The following CFAP95 variants were observed in gnomAD, a reference collection of about 807,000 sequenced individuals.
CFAP95 encodes cilia and flagella associated protein 95.
At chr9:69,875,939 C>T in the CFAP95 span, among the ~76,000 whole-genome samples, 1 of 152,128 alleles carries the variant, frequency 6.6e-6, no homozygotes, top group Non-Finnish European at 1.5e-5. Flanking sequence ...TGTCATTATA[C>T]ACATCTCCTT....
At chr9:69,826,237 C>G in the CFAP95 span, among the ~76,000 whole-genome samples, 1 of 152,126 alleles carries the variant, frequency 6.6e-6, no homozygotes, top group African/African-American at 2.4e-5. Flanking sequence ...TAAGGTACTT[C>G]ACATTCACAG....
At chr9:69,863,113 G>T in the CFAP95 span, among the ~76,000 whole-genome samples, 2 of 152,146 alleles carry the variant, frequency 1.3e-5, no homozygotes, top group East Asian at 3.8e-4. Context: ...TTTGAGTCCC[G>T]ATTGAGCTTG....
chr9:69,868,750 A>G, the CFAP95 span, among the ~76,000 whole-genome samples: 3 of 151,810 alleles, frequency 2.0e-5, no homozygotes, highest in Non-Finnish European at 4.4e-5. Flanking sequence ...TTGTAAGCAT[A>G]TATCTGAAAA....
chr9:69,885,949 A>G, the CFAP95 span, among the ~76,000 whole-genome samples: 2 of 152,350 alleles, frequency 1.3e-5, no homozygotes, highest in South Asian at 2.1e-4. Flanking sequence ...AGTTTCAGTT[A>G]CATGAGGTCA....
chr9:69,850,901 G>C, the CFAP95 span, among the ~76,000 whole-genome samples: 123 of 152,192 alleles, frequency 8.1e-4, 2 homozygotes, highest in South Asian at 0.012. Flanking sequence ...TAGGAATTCC[G>C]TATCAATTTT....
chr9:69,856,556 T>A, the CFAP95 span: 275 of 1,589,580 alleles, frequency 1.7e-4, no homozygotes, highest in Non-Finnish European at 2.3e-4. Flanking sequence ...TGTTTCCAGA[T>A]TTGGACATCA....
the CFAP95 span, among the ~76,000 whole-genome samples, chr9:69,860,097 G>C: frequency 6.6e-6 from 1 of 152,304 alleles, no homozygotes; most frequent in Admixed American, 6.5e-5. Context: ...TATAAACGCT[G>C]TATACTTAGG....
chr9:69,900,357 G>C, the CFAP95 span, among the ~76,000 whole-genome samples: 16 of 152,212 alleles, frequency 1.1e-4, no homozygotes, highest in African/African-American at 3.9e-4. Flanking sequence ...GATACATGAA[G>C]AGAAGGATGT....
At chr9:69,878,374 T>A in the CFAP95 span, among the ~76,000 whole-genome samples, 1 of 152,208 alleles carries the variant, frequency 6.6e-6, no homozygotes, top group East Asian at 1.9e-4. Context: ...TCTCCTTCTG[T>A]GGGTGCTGTC....
At chr9:69,861,749 A>AAAAAAC in the CFAP95 span, among the ~76,000 whole-genome samples, 2 of 148,414 alleles carry the variant, frequency 1.3e-5, no homozygotes, top group Non-Finnish European at 3.0e-5. Context: ...AAAAAAAAAA[A>AAAAAAC]AAAACACAAC....
chr9:69,861,834 T>G, the CFAP95 span, among the ~76,000 whole-genome samples: 1 of 116,814 alleles, frequency 8.6e-6, no homozygotes, highest in Non-Finnish European at 1.9e-5. Context: ...ATCTTAACTC[T>G]GATGTTATCA....
chr9:69,863,285 T>C, the CFAP95 span, among the ~76,000 whole-genome samples: 1 of 152,134 alleles, frequency 6.6e-6, no homozygotes, highest in Non-Finnish European at 1.5e-5. Flanking sequence ...CTGTTAATAA[T>C]ACAGATGCAC....
At chr9:69,844,737 G>A in the CFAP95 span, 2 of 674,126 alleles carry the variant, frequency 3.0e-6, no homozygotes, top group Non-Finnish European at 4.9e-6. Context: ...AACTGTGTTA[G>A]TTACTTAGAT....
At chr9:69,873,720 G>A in the CFAP95 span, among the ~76,000 whole-genome samples, 1 of 152,194 alleles carries the variant, frequency 6.6e-6, no homozygotes, top group Non-Finnish European at 1.5e-5. Context: ...ACATGCCCTT[G>A]TTCTGGCTGC....
chr9:69,884,205 G>A, the CFAP95 span, among the ~76,000 whole-genome samples: 495 of 152,182 alleles, frequency 3.3e-3, 5 homozygotes, highest in African/African-American at 0.011. Context: ...ATATTTTTAT[G>A]TATTTTTACT....
At chr9:69,902,417 G>T in the CFAP95 span, 1 of 411,952 alleles carries the variant, frequency 2.4e-6, no homozygotes, top group Non-Finnish European at 4.8e-6. Flanking sequence ...ATATTGTCTT[G>T]CTCAAAAATC....
the CFAP95 span, among the ~76,000 whole-genome samples, chr9:69,843,557 CCTTCTTCTTCTT>C: frequency 5.6e-3 from 82 of 14,704 alleles, no homozygotes; most frequent in East Asian, 0.011. Context: ...TCCTCCTCCT[CCTTCTTCTTCTT>C]CTTCTTCTTC....
At chr9:69,821,155 G>A in the CFAP95 span, 1 of 1,092,090 alleles carries the variant, frequency 9.2e-7, no homozygotes, top group Non-Finnish European at 1.2e-6. Flanking sequence ...AGAGGAAACG[G>A]AAAAAAGAAT....
At chr9:69,879,771 T>C in the CFAP95 span, among the ~76,000 whole-genome samples, 1 of 152,188 alleles carries the variant, frequency 6.6e-6, no homozygotes, top group Non-Finnish European at 1.5e-5. Context: ...AAGTCAGAAT[T>C]AGGACAATTG....
Sources: gnomAD v4.1 joint callset for allele counts (sites outside exome capture counted in the v4.1 genomes callset) on GRCh38, gnomAD v4.1.1 for gene constraint, MANE v1.5 for transcripts, NCBI Gene and HGNC (gene_info 2026-07-23, HGNC 2026-07-21) for gene names.